Variants in F13A1 observed in about 807,000 individuals in gnomAD.
F13A1 encodes coagulation factor XIII A chain, also known as FSF, A subunit.
In F13A1, 47 loss-of-function variants were observed where a neutral mutation model predicts 80.1. That is an observed-to-expected ratio of 0.59 (90% confidence interval 0.46 to 0.75). F13A1 has a LOEUF of 0.75. Ranked by LOEUF, F13A1 falls within the 30% of genes least tolerant of loss-of-function variation. The pLI, the probability that F13A1 is intolerant of heterozygous loss-of-function variation, is 0.00. For synonymous variants in F13A1, 349 were observed against 344.9 expected (o/e 1.01, Z -0.13); for missense variants, 817 against 930.4 (o/e 0.88, Z 1.59).
At position 6,225,500 on chromosome 6, in the gene F13A1, TTCTC is replaced by T. The variant is rs149464781; in HGVS notation, c.799-644_799-641del. Among the ~76,000 whole-genome samples the T allele has an allele frequency of 8.9e-5, 13 of 146,038 alleles. No homozygotes were observed. In the East Asian group the frequency reaches 1.9e-3, roughly 22 times the overall value. ...GTTTTTGTTTCTTTTTTCTTTTCTT[TTCTC>T]TCTCTCTCTCTCTTTCTTTCTAAGA... On this transcript the variant is annotated intron_variant, in intron 6 of 14. Transcript: ENST00000264870.
At chr6:6,305,111 C>T in intron 3 of F13A1, 2 of 574,436 alleles carry the variant, frequency 3.5e-6, no homozygotes, top group Non-Finnish European at 6.3e-6. Context: ...TTAAGCAACA[C>T]ATTATACCAG....
At chr6:6,319,742 C>A (rs1358171937) in intron 1 of F13A1, among the ~76,000 whole-genome samples, 1 of 152,132 alleles carries the variant, frequency 6.6e-6, no homozygotes, top group Non-Finnish European at 1.5e-5. Context: ...ATGTGGAGCA[C>A]TAACAACATG....
At chr6:6,316,116 TATATATATATATATATATATATATATAG>T (rs1561689730) in intron 2 of F13A1, among the ~76,000 whole-genome samples, 14 of 64,088 alleles carry the variant, frequency 2.2e-4, no homozygotes, top group South Asian at 5.0e-4. Context: ...TATATATATA[TATATATATATATATATATATATATATAG>T]TTTTTTTCCT....
rs114217588 is a variant in F13A1, at chr6:6,165,841, C to T, written c.1908+1617G>A. Among the ~76,000 whole-genome samples, 714 of 152,362 alleles carry T rather than the reference C, an allele frequency of 4.7e-3. 9 individuals are homozygous for T. The highest frequency in any genetic ancestry group is 0.016 in the African/African-American group (649 of 41,580). On this transcript the variant is annotated intron_variant, in intron 13 of 14. Coordinates refer to ENST00000264870, the MANE Select transcript of F13A1 (RefSeq NM_000129.4). ...TTTGCCTGCCAACCCTGCACAGCCT[C>T]GTTTTCATTCTTTTCAGGCGTCCTG...
chr6:6,268,995 G>GCT (rs1554103700), intron 3 of F13A1, among the ~76,000 whole-genome samples: 1 of 144,312 alleles, frequency 6.9e-6, no homozygotes, highest in African/African-American at 2.5e-5. Flanking sequence ...CTGGCAAATT[G>GCT]TTTTTTTTTT....
At chr6:6,264,745 A>T (rs1056873584) in intron 4 of F13A1, among the ~76,000 whole-genome samples, 1 of 152,234 alleles carries the variant, frequency 6.6e-6, no homozygotes, top group African/African-American at 2.4e-5. Context: ...CTCTGTAAAT[A>T]TCACCCCATC....
intron 8 of F13A1, among the ~76,000 whole-genome samples, chr6:6,217,341 T>C (rs948383325): frequency 4.8e-5 from 7 of 146,130 alleles, no homozygotes; most frequent in African/African-American, 1.6e-4. Context: ...TGGAATACTA[T>C]GCAGCCATAA....
intron 11 of F13A1, among the ~76,000 whole-genome samples, chr6:6,179,044 G>A (rs994757264): frequency 7.9e-5 from 12 of 152,310 alleles, no homozygotes; most frequent in African/African-American, 2.6e-4. Context: ...GAGGCGAGGA[G>A]GAAGAGACAG....
At chr6:6,252,405 G>A (rs768919544) in intron 4 of F13A1, among the ~76,000 whole-genome samples, 2 of 152,086 alleles carry the variant, frequency 1.3e-5, no homozygotes, top group Non-Finnish European at 2.9e-5. Context: ...ACACACATAT[G>A]TACATATGTA....
intron 3 of F13A1, among the ~76,000 whole-genome samples, chr6:6,281,333 A>T (rs780419700): frequency 6.6e-6 from 1 of 152,028 alleles, no homozygotes; most frequent in Non-Finnish European, 1.5e-5. Context: ...TCCTCAGGGG[A>T]TTTTACAGTC....
In F13A1 at chr6:6,151,984, A is replaced by G. The variant is rs756071857; in HGVS notation, c.1909-35T>C. Reference sequence around the variant, plus strand: ...AGAATGCAGGTCATTAGCACCAAATAAAACCTCGTTCTGCTCTCTTGTTGT... The same window carrying G: ...AGAATGCAGGTCATTAGCACCAAATGAAACCTCGTTCTGCTCTCTTGTTGT... On this transcript the variant is annotated intron_variant, in intron 13 of 14. Coordinates refer to ENST00000264870, the MANE Select transcript of F13A1 (RefSeq NM_000129.4). The G allele has an allele frequency of 1.2e-5, 20 of 1,612,598 alleles. No individual in the cohort carries two copies. The South Asian group carries it at 1.4e-4, about 12-fold the overall frequency.
At chr6:6,293,089 T>C (rs529411743) in intron 3 of F13A1, among the ~76,000 whole-genome samples, 28 of 152,210 alleles carry the variant, frequency 1.8e-4, no homozygotes, top group African/African-American at 6.3e-4. Context: ...AGGGCCATCA[T>C]AGAATTGAGG....
intron 3 of F13A1, among the ~76,000 whole-genome samples, chr6:6,301,668 A>G (rs1758433812): frequency 6.6e-6 from 1 of 152,228 alleles, no homozygotes; most frequent in East Asian, 1.9e-4. Flanking sequence ...AGGACTTAAA[A>G]TGTTCACTGT....
rs150681562 is a variant in F13A1, at chr6:6,220,922, C to T, written c.1112+1111G>A. Among the ~76,000 whole-genome samples, 938 of 152,306 alleles carry T rather than the reference C, an allele frequency of 6.2e-3. 11 individuals carry two copies. Among genetic ancestry groups the T allele is most frequent in the South Asian group, 0.019 (92 of 4,820 alleles). ...ATTCTCCAATGAATGTGTGCCCCTA[C>T]TGGTGAGTTAATACTGCTGCTACAA... On this transcript the variant is annotated intron_variant, in intron 8 of 14. Transcript: ENST00000264870.
At chr6:6,204,857 C>G (rs1258933947) in intron 8 of F13A1, among the ~76,000 whole-genome samples, 1 of 152,222 alleles carries the variant, frequency 6.6e-6, no homozygotes, top group Non-Finnish European at 1.5e-5. Flanking sequence ...AGTGCTGAAA[C>G]CAGCAAGGGG....
chr6:6,305,361 T>C lies in F13A1; in HGVS notation c.309A>G (p.Glu103=), dbSNP rs1283952669. 5 of 1,614,180 alleles carry C rather than the reference T, an allele frequency of 3.1e-6. No homozygotes were observed. The highest frequency in any genetic ancestry group is 1.3e-5 in the African/African-American group (1 of 75,052). The change falls in exon 3 of 15, where the codon GAA becomes GAG. Residue 103 remains glutamate, a synonymous_variant. Coordinates refer to ENST00000264870, the MANE Select transcript of F13A1 (RefSeq NM_000129.4). ...YDPRRDLFRV[E]YVIGRYPQEN... ...GCACATGGCACTCACCAATGACGTA[T>C]TCCACCCTGAAGAGATCCCTTCTGG...
At chr6:6,303,268 A>ATAATTACT (rs1561684998) in intron 3 of F13A1, among the ~76,000 whole-genome samples, 2 of 152,218 alleles carry the variant, frequency 1.3e-5, no homozygotes, top group East Asian at 3.8e-4. Flanking sequence ...ATTATTTCAA[A>ATAATTACT]TGAACTTTAA....
intron 4 of F13A1, among the ~76,000 whole-genome samples, chr6:6,258,099 GT>G (rs955828827): frequency 2.0e-5 from 3 of 151,318 alleles, no homozygotes; most frequent in African/African-American, 7.3e-5. Context: ...CCATCTATTG[GT>G]TTTTTTTCTT....
chr6:6,296,265 T>C lies in F13A1; in HGVS notation c.319+9086A>G, dbSNP rs374668220. ...GTTCCATGTGAACTTTAAAGTAGTT[T>C]TTTCCAATTCTGTGAAGAAAGTCAC... On this transcript the variant is annotated intron_variant, in intron 3 of 14. Transcript: ENST00000264870. Among the ~76,000 whole-genome samples, 384 of 152,072 alleles carry C rather than the reference T, an allele frequency of 2.5e-3. 15 individuals carry two copies. In the East Asian group the frequency reaches 0.065, roughly 26 times the overall value.
Sources: gnomAD v4.1 joint callset for allele counts (sites outside exome capture counted in the v4.1 genomes callset) on GRCh38, gnomAD v4.1.1 for gene constraint, MANE v1.5 for transcripts, NCBI Gene and HGNC (gene_info 2026-07-23, HGNC 2026-07-21) for gene names.